The following SEPTIN10 variants were observed in gnomAD, a reference collection of about 807,000 sequenced individuals.
SEPTIN10 encodes the protein septin 10.
In SEPTIN10, 66 loss-of-function variants were observed where a neutral mutation model predicts 54.8. The observed-to-expected ratio is 1.21, with a 90% CI of 0.99 to 1.48. SEPTIN10 has a LOEUF of 1.48. Ranked by LOEUF, SEPTIN10 falls within the 40% of genes most tolerant of loss-of-function variation. The pLI is 0.00. For synonymous variants in SEPTIN10, 161 were observed against 181.0 expected (o/e 0.89, Z 0.89); for missense variants, 620 against 545.6 (o/e 1.14, Z -1.36).
intron 2 of SEPTIN10, 32 bp downstream of exon 2, chr2:109,593,019 C>CTATTTA (rs769208494): frequency 7.0e-6 from 10 of 1,430,320 alleles, no homozygotes; most frequent in Non-Finnish European, 9.5e-6. Flanking sequence ...ATTTAGAGTA[C>CTATTTA]AATATGGTAT....
chr2:109,577,912 CAAAA>C (rs745439822), intron 4 of SEPTIN10, among the ~76,000 whole-genome samples: 2 of 92,328 alleles, frequency 2.2e-5, no homozygotes, highest in South Asian at 3.9e-4. Flanking sequence ...GACTTTGTCT[CAAAA>C]AAAAAAAAAA....
At chr2:109,567,064 G>A (rs1210054422) in intron 6 of SEPTIN10, among the ~76,000 whole-genome samples, 2 of 152,038 alleles carry the variant, frequency 1.3e-5, no homozygotes, top group African/African-American at 2.4e-5. Flanking sequence ...AAAGTGGTAT[G>A]AAAAATCAGA....
At chr2:109,564,208 G>C (rs1190844169) in intron 8 of SEPTIN10, 158 bp downstream of exon 8, 1 of 594,754 alleles carries the variant, frequency 1.7e-6, no homozygotes, top group Non-Finnish European at 2.5e-6. Flanking sequence ...AAGGAGTCAA[G>C]TGATTCAAGA....
At chr2:109,545,449 G>T in intron 10 of SEPTIN10, 15 of 1,536,022 alleles carry the variant, frequency 9.8e-6, no homozygotes, top group Non-Finnish European at 1.3e-5. Flanking sequence ...TTGCACTGTG[G>T]CCCTCTCTAC....
intron 8 of SEPTIN10, 33 bp downstream of exon 8, chr2:109,564,331 CCT>C (rs1207004475): frequency 6.7e-7 from 1 of 1,483,956 alleles, no homozygotes; most frequent in African/African-American, 1.4e-5. Context: ...TCTCTAACTT[CCT>C]CTTTGGTTGG....
At chr2:109,552,128 T>G (rs1683114217) in intron 9 of SEPTIN10, among the ~76,000 whole-genome samples, 1 of 152,206 alleles carries the variant, frequency 6.6e-6, no homozygotes, top group South Asian at 2.1e-4. Context: ...GGATCTTGGT[T>G]GTGCGCTCCT....
intron 4 of SEPTIN10, among the ~76,000 whole-genome samples, chr2:109,575,389 CATCAGT>C (rs1241860116): frequency 1.3e-5 from 2 of 152,222 alleles, no homozygotes; most frequent in Non-Finnish European, 2.9e-5. Flanking sequence ...GAAAGGCATA[CATCAGT>C]ATCTAACTAG....
chr2:109,570,361 C>T (rs1412206102), intron 5 of SEPTIN10, among the ~76,000 whole-genome samples: 6 of 152,136 alleles, frequency 3.9e-5, no homozygotes, highest in Non-Finnish European at 5.9e-5. Flanking sequence ...AATGTCTTTA[C>T]AGTTGCCCCC....
chr2:109,600,707 T>C (rs894940241), intron 1 of SEPTIN10, among the ~76,000 whole-genome samples: 3 of 152,202 alleles, frequency 2.0e-5, no homozygotes, highest in Admixed American at 6.5e-5. Context: ...TACTTGGCAA[T>C]AGAGTGAGAT....
chr2:109,610,852 A>G (rs902854488), intron 1 of SEPTIN10, among the ~76,000 whole-genome samples: 2 of 152,246 alleles, frequency 1.3e-5, no homozygotes, highest in African/African-American at 4.8e-5. Context: ...AATTATTTGT[A>G]AATATAGATA....
At chr2:109,597,156 G>C (rs1204083318) in intron 1 of SEPTIN10, among the ~76,000 whole-genome samples, 2 of 152,062 alleles carry the variant, frequency 1.3e-5, no homozygotes, top group Admixed American at 1.3e-4. Context: ...GCCCAGGCTG[G>C]TCTCGAACTC....
intron 1 of SEPTIN10, among the ~76,000 whole-genome samples, chr2:109,595,924 A>G (rs1695205986): frequency 6.6e-6 from 1 of 152,180 alleles, no homozygotes; most frequent in African/African-American, 2.4e-5. Flanking sequence ...GACCTAACAT[A>G]CTACCTGCTT....
chr2:109,565,350 T>C (rs1686719002), intron 7 of SEPTIN10, among the ~76,000 whole-genome samples: 1 of 152,144 alleles, frequency 6.6e-6, no homozygotes, highest in Non-Finnish European at 1.5e-5. Context: ...AAATGTCAAG[T>C]AGATTTAACT....
chr2:109,594,291 G>A (rs1051309516), intron 1 of SEPTIN10, among the ~76,000 whole-genome samples: 1 of 151,986 alleles, frequency 6.6e-6, no homozygotes, highest in Non-Finnish European at 1.5e-5. Context: ...ATTGCAAATG[G>A]TGTCAATGAG....
rs988325420 is a variant in SEPTIN10 at position 109,613,913 on chromosome 2, G to A, written c.-86C>T. ...GGCGACGGCGGCGGGAAGGCCGGAG[G>A]GCAGAAGCAACGGGCGGGGCGCGAG... On this transcript the variant is annotated 5_prime_UTR_variant, in exon 1 of 11. Transcript: ENST00000397712. 2.1e-5 allele frequency: 26 copies of A among 1,227,498 alleles called. No individual in the cohort carries two copies. In the African/African-American group the frequency reaches 3.1e-4, roughly 15 times the overall value. 76.0% of individuals were successfully genotyped at this position (1,227,498 alleles called of 1,614,324 possible).
chr2:109,578,782 A>G (rs1297216212), intron 4 of SEPTIN10, among the ~76,000 whole-genome samples: 5 of 152,138 alleles, frequency 3.3e-5, no homozygotes, highest in Non-Finnish European at 7.4e-5. Context: ...AGAAAAAAAA[A>G]AAGAAATTTA....
intron 4 of SEPTIN10, among the ~76,000 whole-genome samples, chr2:109,584,202 C>T (rs999844710): frequency 1.3e-5 from 2 of 151,954 alleles, no homozygotes; most frequent in African/African-American, 4.8e-5. Flanking sequence ...TAAGACTGGG[C>T]GCAGTTGCTC....
intron 2 of SEPTIN10, among the ~76,000 whole-genome samples, chr2:109,588,850 TA>T (rs59135205): frequency 0.39 from 43,268 of 111,060 alleles, 8,178 homozygotes; most frequent in Middle Eastern, 0.56. Flanking sequence ...CAATTACTAT[TA>T]AAAAAAAAAA....
chr2:109,553,244 C>T (rs1237254750), intron 8 of SEPTIN10, 25 bp from the exon 9 acceptor site: 1 of 1,611,534 alleles, frequency 6.2e-7, no homozygotes, highest in Non-Finnish European at 8.5e-7. Flanking sequence ...GTGTTACTCT[C>T]CTGCTAAAAA....
Sources: gnomAD v4.1 joint callset for allele counts (sites outside exome capture counted in the v4.1 genomes callset) on GRCh38, gnomAD v4.1.1 for gene constraint, MANE v1.5 for transcripts, NCBI Gene and HGNC (gene_info 2026-07-23, HGNC 2026-07-21) for gene names.